The following SOBP variants were observed in gnomAD, a reference collection of about 807,000 sequenced individuals.
The protein encoded by SOBP is sine oculis binding protein homolog.
SOBP carries 4 observed loss-of-function variants against 53.6 expected under a neutral mutation model. The ratio of observed to expected loss-of-function variants is 0.07; its 90% CI spans 0.04 to 0.17. The LOEUF (loss-of-function observed/expected upper bound fraction) is 0.17. Ranked by LOEUF, SOBP falls within the 10% of genes least tolerant of loss-of-function variation. The pLI is 1.00. For synonymous variants in SOBP, 584 were observed against 522.6 expected, an observed-to-expected ratio of 1.12 and a Z score of -1.60; for missense variants, 1,088 against 1,204.7, an observed-to-expected ratio of 0.90 and a Z score of 1.43.
At chr6:107,601,835 T>A (rs1786188747) in intron 5 of SOBP, among the ~76,000 whole-genome samples, 1 of 152,236 alleles carries the variant, frequency 6.6e-6, no homozygotes, top group Non-Finnish European at 1.5e-5. Context: ...CTGACTTAAT[T>A]GCTTTTGAGT....
intron 4 of SOBP, among the ~76,000 whole-genome samples, chr6:107,535,989 T>G (rs1223777257): frequency 2.0e-5 from 3 of 152,180 alleles, no homozygotes; most frequent in African/African-American, 7.2e-5. Context: ...TTCTTAATCT[T>G]AGAAAAAGGG....
chr6:107,552,090 A>G (rs1353679003), intron 4 of SOBP, among the ~76,000 whole-genome samples: 2 of 152,162 alleles, frequency 1.3e-5, no homozygotes, highest in African/African-American at 4.8e-5. Flanking sequence ...ATAGTAGGTA[A>G]ATAGGTATAT....
At chr6:107,605,375 G>T (rs924285168) in intron 5 of SOBP, among the ~76,000 whole-genome samples, 1 of 152,212 alleles carries the variant, frequency 6.6e-6, no homozygotes, top group Non-Finnish European at 1.5e-5. Flanking sequence ...CTTCTTAACT[G>T]CCCTTATCCT....
intron 3 of SOBP, among the ~76,000 whole-genome samples, chr6:107,526,509 G>A (rs968647656): frequency 6.6e-6 from 1 of 151,884 alleles, no homozygotes; most frequent in African/African-American, 2.4e-5. Context: ...TAACTTCCCC[G>A]CCTTCCAAAT....
chr6:107,592,355 A>G (rs932389325), intron 5 of SOBP, among the ~76,000 whole-genome samples: 1 of 152,208 alleles, frequency 6.6e-6, no homozygotes, highest in Non-Finnish European at 1.5e-5. Context: ...GATGGCTGCC[A>G]TATATTAGCC....
intron 5 of SOBP, among the ~76,000 whole-genome samples, chr6:107,617,854 G>A (rs558882209): frequency 0.011 from 1,496 of 142,310 alleles, 11 homozygotes; most frequent in Middle Eastern, 0.04. Flanking sequence ...TTCTGAGACG[G>A]AGTCTCTCTG....
At chr6:107,595,061 T>C (rs538229379) in intron 5 of SOBP, among the ~76,000 whole-genome samples, 79 of 152,346 alleles carry the variant, frequency 5.2e-4, no homozygotes, top group African/African-American at 1.9e-3. Flanking sequence ...TAATTCAGAA[T>C]GACTCTTTCT....
chr6:107,490,782 T>C, intron 1 of SOBP, 70 bp downstream of exon 1: 2 of 1,228,060 alleles, frequency 1.6e-6, no homozygotes, highest in East Asian at 2.6e-5. Context: ...GGCCGTGGTA[T>C]GGATCTGGGG....
At chr6:107,656,518 C>A (rs1288954925) in intron 6 of SOBP, among the ~76,000 whole-genome samples, 1 of 152,118 alleles carries the variant, frequency 6.6e-6, no homozygotes, top group Non-Finnish European at 1.5e-5. Context: ...ATTTAATATA[C>A]ATATTAAGTA....
chr6:107,591,968 G>GTTTTTTTTTTTT (rs56210027), intron 5 of SOBP, among the ~76,000 whole-genome samples: 10 of 88,658 alleles, frequency 1.1e-4, no homozygotes, highest in Non-Finnish European at 1.6e-4. Context: ...GTCTTTTGGT[G>GTTTTTTTTTTTT]TTTTTTTTTT....
At chr6:107,535,166 C>A (rs573796276) in intron 4 of SOBP, among the ~76,000 whole-genome samples, 5 of 152,232 alleles carry the variant, frequency 3.3e-5, no homozygotes, top group African/African-American at 1.2e-4. Flanking sequence ...CCTGGTGATA[C>A]ATGTTATATT....
chr6:107,567,776 T>C (rs1784959858), intron 4 of SOBP, among the ~76,000 whole-genome samples: 1 of 152,220 alleles, frequency 6.6e-6, no homozygotes, highest in Non-Finnish European at 1.5e-5. Context: ...AAGGACATGG[T>C]GTAGAAAGCA....
intron 3 of SOBP, among the ~76,000 whole-genome samples, chr6:107,526,554 G>C (rs987555220): frequency 1.3e-5 from 2 of 152,044 alleles, no homozygotes; most frequent in Admixed American, 1.3e-4. Context: ...GTGCTCTCTG[G>C]AATGGCTCTC....
chr6:107,491,137 T>A (rs1782569980), intron 1 of SOBP, among the ~76,000 whole-genome samples: 1 of 151,210 alleles, frequency 6.6e-6, no homozygotes, highest in Non-Finnish European at 1.5e-5. Context: ...ATTCCACCCC[T>A]CTCCCCCAGC....
At chr6:107,507,076 A>AAAG (rs887970792) in intron 3 of SOBP, among the ~76,000 whole-genome samples, 1 of 152,040 alleles carries the variant, frequency 6.6e-6, no homozygotes, top group African/African-American at 2.4e-5. Flanking sequence ...CAAAAAAAAA[A>AAAG]AAAAGTAACC....
At position 107,661,069 on chromosome 6, in the gene SOBP, T is replaced by C. The variant is rs1772275086; in HGVS notation, c.*2866T>C. Among the ~76,000 whole-genome samples, 1 of 152,172 alleles carries C rather than the reference T, an allele frequency of 6.6e-6. No homozygotes were observed. The highest frequency in any genetic ancestry group is 6.5e-5 in the Admixed American group (1 of 15,278). ...AGCATTATTCATCTGGTCTTGGCCA[T>C]GGAGACAGTCATCCAGGATATTGAT... On this transcript the variant is annotated 3_prime_UTR_variant, in exon 7 of 7. Transcript: ENST00000317357.
At chr6:107,532,241 T>TCTCTCACACA (rs373567492) in intron 3 of SOBP, among the ~76,000 whole-genome samples, 17 of 139,742 alleles carry the variant, frequency 1.2e-4, no homozygotes, top group South Asian at 1.2e-3. Flanking sequence ...TCTCTCTCTC[T>TCTCTCACACA]CACACACACA....
intron 5 of SOBP, among the ~76,000 whole-genome samples, chr6:107,593,586 T>G (rs1236097588): frequency 6.6e-6 from 1 of 152,116 alleles, no homozygotes; most frequent in African/African-American, 2.4e-5. Flanking sequence ...AGTTTCTCAC[T>G]CTCCTGAGCC....
intron 5 of SOBP, among the ~76,000 whole-genome samples, chr6:107,620,784 T>C (rs1193538962): frequency 6.6e-6 from 1 of 152,216 alleles, no homozygotes; most frequent in South Asian, 2.1e-4. Flanking sequence ...ATATTTCTTT[T>C]TTCTGTGTCT....
Sources: gnomAD v4.1 joint callset for allele counts (sites outside exome capture counted in the v4.1 genomes callset) on GRCh38, gnomAD v4.1.1 for gene constraint, MANE v1.5 for transcripts, NCBI Gene and HGNC (gene_info 2026-07-23, HGNC 2026-07-21) for gene names.